Variants in PRMT8 observed in about 807,000 individuals in gnomAD.
The protein encoded by PRMT8 is protein arginine methyltransferase 8, also known as protein arginine N-methyltransferase 8.
A neutral mutation model predicts 47.1 loss-of-function variants in PRMT8; 7 were observed. The ratio of observed to expected loss-of-function variants is 0.15; its 90% CI spans 0.08 to 0.28. The LOEUF is 0.28. Ranked by LOEUF, PRMT8 falls within the 10% of genes least tolerant of loss-of-function variation. The pLI is 1.00. For synonymous variants in PRMT8, 188 were observed against 186.5 expected, an observed-to-expected ratio of 1.01 and a Z score of -0.07; for missense variants, 237 against 505.4, an observed-to-expected ratio of 0.47 and a Z score of 5.09.
chr12:3,413,769 A>C (rs12425697), intron 1 of PRMT8, among the ~76,000 whole-genome samples: 1 of 150,996 alleles, frequency 6.6e-6, no homozygotes, highest in East Asian at 1.9e-4. Context: ...GGGGAAAAAA[A>C]ACCAATAAAA....
At chr12:3,562,729 AC>A (rs1866657897) in intron 4 of PRMT8, among the ~76,000 whole-genome samples, 1 of 152,120 alleles carries the variant, frequency 6.6e-6, no homozygotes, top group Non-Finnish European at 1.5e-5. Context: ...GATGCTACAA[AC>A]CGGAGCTGTT....
rs1365760227 is a variant in PRMT8, at chr12:3,493,440, C to T, written c.75+1740C>T. Among the ~76,000 whole-genome samples the T allele has an allele frequency of 6.6e-6, 1 of 152,240 alleles. No individual in the cohort carries two copies. Among genetic ancestry groups the T allele is most frequent in the Non-Finnish European group, 1.5e-5 (1 of 68,038 alleles). On this transcript the variant is annotated intron_variant, in intron 1 of 9. Transcript: ENST00000382622. The surrounding 1 kb of genome is among the most constrained non-coding windows in gnomAD (Gnocchi z 8.2). ...CGGTCTCTGCCAGGTGGCTGGAGCC[C>T]TGGAAGCGAGAAGGCGCTTCCTCCC...
intron 1 of PRMT8, among the ~76,000 whole-genome samples, chr12:3,400,391 A>C (rs959434428): frequency 6.6e-6 from 1 of 152,240 alleles, no homozygotes; most frequent in Non-Finnish European, 1.5e-5. Flanking sequence ...CTCTATGCAC[A>C]TAAACTAGAA....
At chr12:3,519,839 T>C (rs1420248271) in intron 1 of PRMT8, among the ~76,000 whole-genome samples, 1 of 152,210 alleles carries the variant, frequency 6.6e-6, no homozygotes, top group Non-Finnish European at 1.5e-5. Flanking sequence ...AAAGGGGCCA[T>C]GGTTGCTCGG....
intron 1 of PRMT8, among the ~76,000 whole-genome samples, chr12:3,482,223 C>G (rs1865281677): frequency 6.6e-6 from 1 of 152,058 alleles, no homozygotes; most frequent in Non-Finnish European, 1.5e-5. Context: ...CCCGAGATGA[C>G]AATAGATTGG....
rs1224504575 is a variant in PRMT8 at position 3,395,127 on chromosome 12, G to A, written c.48+13685G>A. The stretch of plus-strand genomic sequence containing the variant: ...TTTTTTCTTTATTAGTCTTGCTAGC[G>A]GTCTATCAATTTTGTTGATCCTTTC... On this transcript the variant is annotated intron_variant, in intron 1 of 9. Transcript: ENST00000452611. Among the ~76,000 whole-genome samples the A allele has an allele frequency of 1.1e-3, 160 of 148,480 alleles. 2 individuals are homozygous for A. Among genetic ancestry groups the A allele is most frequent in the African/African-American group, 3.6e-3 (146 of 40,302 alleles).
intron 1 of PRMT8, among the ~76,000 whole-genome samples, chr12:3,510,531 C>T (rs1341850029): frequency 6.6e-6 from 1 of 152,064 alleles, no homozygotes; most frequent in African/African-American, 2.4e-5. Context: ...TGAATATGTA[C>T]AGTTATGATT....
At chr12:3,473,535 T>C (rs971475186) in intron 1 of PRMT8, among the ~76,000 whole-genome samples, 4 of 152,152 alleles carry the variant, frequency 2.6e-5, no homozygotes, top group African/African-American at 7.2e-5. Context: ...TACTTTCTCC[T>C]TGGGTGAGCT....
chr12:3,545,989 C>A (rs1165596067), intron 2 of PRMT8, among the ~76,000 whole-genome samples: 1 of 152,198 alleles, frequency 6.6e-6, no homozygotes, highest in Non-Finnish European at 1.5e-5. Flanking sequence ...TAAAGTCATG[C>A]AGAGTATGTT....
At chr12:3,422,858 G>C (rs1864558412) in intron 1 of PRMT8, among the ~76,000 whole-genome samples, 1 of 152,160 alleles carries the variant, frequency 6.6e-6, no homozygotes, top group East Asian at 1.9e-4. Flanking sequence ...CTCCCTTTGA[G>C]AACCTCACTT....
At chr12:3,592,868 T>C (rs1867340030) in intron 9 of PRMT8, among the ~76,000 whole-genome samples, 1 of 152,178 alleles carries the variant, frequency 6.6e-6, no homozygotes, top group Admixed American at 6.5e-5. Context: ...CGGAACGTTT[T>C]GTTATTAGAG....
intron 1 of PRMT8, among the ~76,000 whole-genome samples, chr12:3,399,156 C>A (rs1864293298): frequency 6.6e-6 from 1 of 152,166 alleles, no homozygotes; most frequent in South Asian, 2.1e-4. Context: ...GTGGAGCAGG[C>A]CTGAGCACTG....
chr12:3,555,347 G>A (rs1014355324), intron 4 of PRMT8, among the ~76,000 whole-genome samples: 1 of 152,196 alleles, frequency 6.6e-6, no homozygotes. Flanking sequence ...TTGAATGACA[G>A]AAAGGAGCCA....
intron 1 of PRMT8, among the ~76,000 whole-genome samples, chr12:3,528,853 G>A (rs1276142633): frequency 2.0e-5 from 3 of 152,104 alleles, no homozygotes; most frequent in Non-Finnish European, 4.4e-5. Context: ...GGTGGGATTT[G>A]AACTATCTTT....
At chr12:3,452,351 CCCA>C (rs1192104240) in intron 1 of PRMT8, among the ~76,000 whole-genome samples, 5 of 151,632 alleles carry the variant, frequency 3.3e-5, no homozygotes, top group Admixed American at 6.6e-5. Flanking sequence ...ACACACACAC[CCCA>C]CAAGGAGACC....
intron 8 of PRMT8, among the ~76,000 whole-genome samples, chr12:3,589,252 T>C (rs1393593433): frequency 6.6e-6 from 1 of 152,178 alleles, no homozygotes; most frequent in Admixed American, 6.5e-5. Flanking sequence ...ACTGGAACTG[T>C]CCCAGGCACA....
chr12:3,470,421 T>C (rs1865147659), intron 1 of PRMT8, among the ~76,000 whole-genome samples: 1 of 152,122 alleles, frequency 6.6e-6, no homozygotes, highest in Non-Finnish European at 1.5e-5. Context: ...TGGTAGGGGC[T>C]GGGCAGGGGA....
At chr12:3,562,036 C>T (rs374945726) in intron 4 of PRMT8, among the ~76,000 whole-genome samples, 49 of 152,244 alleles carry the variant, frequency 3.2e-4, no homozygotes, top group African/African-American at 8.2e-4. Flanking sequence ...TCAGCAAAGG[C>T]GACAAACCAG....
In PRMT8 at chr12:3,569,435, T is replaced by C. The variant is rs1209757729; in HGVS notation, c.625-42T>C. 10 of 1,510,396 alleles carry C rather than the reference T, an allele frequency of 6.6e-6. No homozygotes were observed. Among genetic ancestry groups the C allele is most frequent in the Non-Finnish European group, 9.2e-6 (10 of 1,085,674 alleles). The allele number at this position is 1,510,396 out of a possible 1,614,324, so 93.6% of individuals were successfully genotyped here. On this transcript the variant is annotated intron_variant, in intron 5 of 9. Coordinates refer to ENST00000382622, the MANE Select transcript of PRMT8 (RefSeq NM_019854.5). This position sits in a 1 kb window ranked among gnomAD's most constrained non-coding sequence, Gnocchi z 8.2. ...TTCAAAATGTGATGTCTTTGTCAGG[T>C]GAATAGATTACGAGACCCATTTCCC...
Sources: gnomAD v4.1 joint callset for allele counts (sites outside exome capture counted in the v4.1 genomes callset) on GRCh38, gnomAD v4.1.1 for gene constraint, Gnocchi (gnomAD v3.1) non-coding constraint, MANE v1.5 for transcripts, NCBI Gene and HGNC (gene_info 2026-07-23, HGNC 2026-07-21) for gene names.